Variants in ALK observed in about 807,000 individuals in gnomAD.
ALK encodes ALK receptor tyrosine kinase, also known as ALK tyrosine kinase receptor.
Under a neutral mutation model 163.1 loss-of-function variants are expected in ALK, and 74 were observed. That is an observed-to-expected ratio of 0.45 (90% CI 0.38 to 0.55). The LOEUF (loss-of-function observed/expected upper bound fraction) is 0.55, where lower values mean the gene tolerates loss of function less well. Among genes scored for constraint, ALK ranks in the 20% least tolerant of loss-of-function variants. The pLI is 0.00. For missense variants in ALK, 2,063 were observed against 2,105.3 expected (o/e 0.98, Z 0.39); for synonymous variants, 960 against 843.2 (o/e 1.14, Z -2.40).
At chr2:29,669,367 T>C (rs1677614535) in intron 3 of ALK, among the ~76,000 whole-genome samples, 1 of 152,130 alleles carries the variant, frequency 6.6e-6, no homozygotes, top group African/African-American at 2.4e-5. Context: ...TTGTCTCTTT[T>C]TACAGTCTTA....
At chr2:29,747,472 T>C (rs951782648) in intron 1 of ALK, among the ~76,000 whole-genome samples, 1 of 152,216 alleles carries the variant, frequency 6.6e-6, no homozygotes, top group African/African-American at 2.4e-5. Context: ...GATACATCGG[T>C]TTTGGAGTGA....
At chr2:29,444,249 G>C (rs1464564819) in intron 4 of ALK, among the ~76,000 whole-genome samples, 1 of 152,106 alleles carries the variant, frequency 6.6e-6, no homozygotes, top group East Asian at 1.9e-4. Flanking sequence ...TGAGGGTTAT[G>C]GGCAGGAACA....
intron 8 of ALK, among the ~76,000 whole-genome samples, chr2:29,312,579 C>T (rs1666723646): frequency 6.6e-6 from 1 of 152,300 alleles, no homozygotes; most frequent in South Asian, 2.1e-4. Flanking sequence ...GGAGCCACCA[C>T]CCTGCTCCGA....
chr2:29,734,094 G>A (rs1182965381), intron 1 of ALK, among the ~76,000 whole-genome samples: 1 of 152,122 alleles, frequency 6.6e-6, no homozygotes, highest in African/African-American at 2.4e-5. Flanking sequence ...CCCAATGAGA[G>A]GACTTGGAGA....
chr2:29,275,529 C>G lies in ALK; in HGVS notation c.1818-33G>C, dbSNP rs1195015601. ...CATCAAGAGGAATGTGTGTGAGGAGCAAACTGGGGGGTCTTGTCTTAGGAT... is the reference window on the plus strand; with the variant it reads ...CATCAAGAGGAATGTGTGTGAGGAGGAAACTGGGGGGTCTTGTCTTAGGAT... On this transcript the variant is annotated intron_variant, in intron 9 of 28. Coordinates refer to ENST00000389048, the MANE Select transcript of ALK (RefSeq NM_004304.5). The G allele has an allele frequency of 3.7e-6, 6 of 1,607,250 alleles. No homozygotes were observed. In the Admixed American group the frequency reaches 1.0e-4, roughly 27 times the overall value.
At chr2:29,349,767 C>T (rs2148278307) in intron 5 of ALK, among the ~76,000 whole-genome samples, 1 of 152,348 alleles carries the variant, frequency 6.6e-6, no homozygotes, top group South Asian at 2.1e-4. Flanking sequence ...ATGTGGTTTA[C>T]ACACCAAACC....
At chr2:29,805,594 T>C (rs1664589160) in intron 1 of ALK, among the ~76,000 whole-genome samples, 1 of 152,192 alleles carries the variant, frequency 6.6e-6, no homozygotes. Flanking sequence ...GCATGTGGTA[T>C]TTGGTTTCCT....
At chr2:29,202,041 C>G (rs895882218) in intron 26 of ALK, among the ~76,000 whole-genome samples, 8 of 152,186 alleles carry the variant, frequency 5.3e-5, no homozygotes, top group Admixed American at 1.3e-4. Flanking sequence ...CATCCCCCAT[C>G]TGAGTTCCAA....
intron 1 of ALK, among the ~76,000 whole-genome samples, chr2:29,816,470 AC>A (rs1309648332): frequency 6.6e-6 from 1 of 152,212 alleles, no homozygotes; most frequent in Non-Finnish European, 1.5e-5. Flanking sequence ...CCTACTTTGT[AC>A]AAAGCAACAT....
intron 11 of ALK, among the ~76,000 whole-genome samples, chr2:29,259,782 A>G (rs916171586): frequency 6.6e-6 from 1 of 152,180 alleles, no homozygotes; most frequent in African/African-American, 2.4e-5. Flanking sequence ...AGTAGCTTCA[A>G]TAAGGATATT....
intron 3 of ALK, among the ~76,000 whole-genome samples, chr2:29,654,273 G>C (rs908276882): frequency 6.6e-6 from 1 of 152,148 alleles, no homozygotes; most frequent in Non-Finnish European, 1.5e-5. Flanking sequence ...TCCCAGCCCA[G>C]TGGTTTGCTC....
intron 3 of ALK, among the ~76,000 whole-genome samples, chr2:29,539,657 A>G (rs1329070843): frequency 1.3e-5 from 2 of 152,104 alleles, no homozygotes; most frequent in Non-Finnish European, 2.9e-5. Flanking sequence ...CAAGACTCTA[A>G]TTTTAATAAT....
At chr2:29,886,279 A>G (rs535220358) in intron 1 of ALK, among the ~76,000 whole-genome samples, 11 of 152,368 alleles carry the variant, frequency 7.2e-5, no homozygotes, top group African/African-American at 2.4e-4. Flanking sequence ...ATTAGTGGTT[A>G]ATCATAATAG....
chr2:29,904,387 C>T (rs570385578), intron 1 of ALK, among the ~76,000 whole-genome samples: 1 of 151,964 alleles, frequency 6.6e-6, no homozygotes, highest in Non-Finnish European at 1.5e-5. Flanking sequence ...ATATTGTGAC[C>T]CTCATTTATT....
chr2:29,456,527 GA>G (rs1232786174), intron 4 of ALK, among the ~76,000 whole-genome samples: 1 of 152,124 alleles, frequency 6.6e-6, no homozygotes, highest in Non-Finnish European at 1.5e-5. Context: ...CATAGAGATA[GA>G]AAGTAGAATG....
intron 3 of ALK, among the ~76,000 whole-genome samples, chr2:29,633,583 T>C (rs4338926): frequency 0.63 from 95,549 of 151,326 alleles, 31,267 homozygotes; most frequent in Middle Eastern, 0.73. Flanking sequence ...AAAAAATCAA[T>C]GAAATTGAAA....
intron 4 of ALK, among the ~76,000 whole-genome samples, chr2:29,483,005 G>C (rs1391748405): frequency 6.6e-6 from 1 of 152,178 alleles, no homozygotes; most frequent in Non-Finnish European, 1.5e-5. Flanking sequence ...CAGTTATTGG[G>C]CTGAGAAGAC....
chr2:29,848,613 A>T (rs545731283), intron 1 of ALK, among the ~76,000 whole-genome samples: 1 of 152,282 alleles, frequency 6.6e-6, no homozygotes, highest in African/African-American at 2.4e-5. Context: ...GGATGGAAAG[A>T]GGGGTAGGCT....
At chr2:29,712,218 C>T (rs1018093780) in intron 2 of ALK, among the ~76,000 whole-genome samples, 1 of 152,206 alleles carries the variant, frequency 6.6e-6, no homozygotes. Flanking sequence ...TGACTGCCAG[C>T]ATTACTGTCC....
Sources: allele counts gnomAD v4.1 joint callset (sites outside exome capture counted in the v4.1 genomes callset), GRCh38; gene constraint gnomAD v4.1.1; transcripts MANE v1.5; gene names NCBI Gene and HGNC (gene_info 2026-07-23, HGNC 2026-07-21).